The following MARCHF6 variants were observed in gnomAD, a reference collection of about 807,000 sequenced individuals.
MARCHF6 encodes membrane associated ring-CH-type finger 6, also known as E3 ubiquitin-protein ligase MARCHF6.
In MARCHF6, 31 loss-of-function variants were observed where a neutral mutation model predicts 133.7. That is an observed-to-expected ratio of 0.23 (90% CI 0.17 to 0.31). MARCHF6 has a LOEUF of 0.31. Among genes scored for constraint, MARCHF6 ranks in the 10% least tolerant of loss-of-function variants. The pLI is 1.00. For missense variants in MARCHF6, 723 were observed against 1,121.6 expected (o/e 0.64, Z 5.08); for synonymous variants, 395 against 402.5 (o/e 0.98, Z 0.22).
intron 1 of MARCHF6, among the ~76,000 whole-genome samples, chr5:10,369,603 A>AACCCCCC (rs1736338293): frequency 3.8e-5 from 1 of 26,500 alleles, no homozygotes; most frequent in African/African-American, 9.0e-5. Flanking sequence ...TAGTTCCATT[A>AACCCCCC]CCCCCCCCCC....
At chr5:10,370,562 G>A (rs1736409580) in intron 1 of MARCHF6, among the ~76,000 whole-genome samples, 1 of 152,100 alleles carries the variant, frequency 6.6e-6, no homozygotes. Context: ...TTTCTTGAAT[G>A]ACTTGAACAT....
intron 15 of MARCHF6, among the ~76,000 whole-genome samples, chr5:10,404,116 C>T (rs1738727984): frequency 6.6e-6 from 1 of 151,274 alleles, no homozygotes; most frequent in Non-Finnish European, 1.5e-5. Flanking sequence ...TGCTCTGTTG[C>T]CCAGGCTGGA....
intron 24 of MARCHF6, 87 bp downstream of exon 24, chr5:10,426,609 CTCCATATGCTTTATTTG>C: frequency 7.5e-7 from 1 of 1,341,708 alleles, no homozygotes; most frequent in Non-Finnish European, 1.0e-6. Context: ...GGATGTCTCA[CTCCATATGCTTTATTTG>C]TAAATGTGAA....
intron 5 of MARCHF6, among the ~76,000 whole-genome samples, chr5:10,388,414 T>TC (rs1469238868): frequency 6.6e-6 from 1 of 152,210 alleles, no homozygotes; most frequent in Non-Finnish European, 1.5e-5. Flanking sequence ...TTCTATGTAT[T>TC]CTGTAGCTCA....
At chr5:10,412,041 A>G (rs548672983) in intron 19 of MARCHF6, among the ~76,000 whole-genome samples, 2 of 152,348 alleles carry the variant, frequency 1.3e-5, no homozygotes, top group East Asian at 1.9e-4. Flanking sequence ...TGAAGTCATC[A>G]TTTATATCAA....
intron 1 of MARCHF6, among the ~76,000 whole-genome samples, chr5:10,360,210 C>T (rs1735740753): frequency 1.6e-5 from 2 of 127,780 alleles, no homozygotes; most frequent in Non-Finnish European, 3.2e-5. Flanking sequence ...AGTACAGTGG[C>T]ACCATCTCAG....
chr5:10,368,291 G>A (rs535602395), intron 1 of MARCHF6, among the ~76,000 whole-genome samples: 6 of 152,260 alleles, frequency 3.9e-5, no homozygotes, highest in South Asian at 4.1e-4. Flanking sequence ...AAGTTATGTC[G>A]TAGTCACAAA....
intron 5 of MARCHF6, 146 bp from the exon 6 acceptor site, chr5:10,390,186 T>G: frequency 1.5e-6 from 1 of 656,372 alleles, no homozygotes; most frequent in South Asian, 2.0e-5. Context: ...TTGGAGAAAC[T>G]TGAGATTTTC....
At chr5:10,373,323 TC>T (rs1274163544) in intron 1 of MARCHF6, among the ~76,000 whole-genome samples, 1 of 152,096 alleles carries the variant, frequency 6.6e-6, no homozygotes, top group Non-Finnish European at 1.5e-5. Context: ...TAAGTGGAGA[TC>T]CATGTCTCTC....
chr5:10,377,971 A>G lies in MARCHF6; in HGVS notation c.116+77A>G, dbSNP rs1736890656. On this transcript the variant is annotated intron_variant, in intron 2 of 25. Transcript: ENST00000274140. ...GTATACAGTAACAGGGATCATTTCA[A>G]TGTACTTTCTCTGTAATTATTTTTA... 3 of 774,194 alleles carry G rather than the reference A, an allele frequency of 3.9e-6. No homozygotes were observed. In the East Asian group the frequency reaches 7.5e-5, roughly 19 times the overall value. The allele number at this position is 774,194 out of a possible 1,614,324, so 48.0% of individuals were successfully genotyped here. A position where few individuals can be genotyped will look rare whatever the true frequency, so the allele number is the denominator to read the frequency against.
chr5:10,357,407 A>G (rs1398073940), intron 1 of MARCHF6, among the ~76,000 whole-genome samples: 1 of 151,526 alleles, frequency 6.6e-6, no homozygotes, highest in Non-Finnish European at 1.5e-5. Flanking sequence ...TTAGCACAAC[A>G]TAATACAAAG....
At chr5:10,428,840 A>T (rs549043022) in intron 24 of MARCHF6, among the ~76,000 whole-genome samples, 49 of 152,322 alleles carry the variant, frequency 3.2e-4, no homozygotes, top group African/African-American at 1.1e-3. Flanking sequence ...TTTCATTTTT[A>T]AAAATTTTAT....
At position 10,410,236 on chromosome 5, in the gene MARCHF6, G is replaced by C; in HGVS notation, c.1651G>C (p.Gly551Arg). Reference sequence around the variant, plus strand: ...GGGACACACGAGGCAGTGGCTGAAGGGGCTGGTGCGAGCGTGGACTGTGAC... The same window carrying C: ...GGGACACACGAGGCAGTGGCTGAAGCGGCTGGTGCGAGCGTGGACTGTGAC... ...EQGHTRQWLK[G>R]LVRAWTVTAG... Residue 551 changes from glycine (G) to arginine (R), a missense_variant, in exon 18 of 26, where the codon GGG becomes CGG. Gly to Arg is a moderately radical substitution (Grantham distance 125). Coordinates refer to ENST00000274140, the MANE Select transcript of MARCHF6 (RefSeq NM_005885.4). 3.1e-6 allele frequency: 5 copies of C among 1,613,556 alleles called. No individual in the cohort carries two copies. The highest frequency in any genetic ancestry group is 3.4e-6 in the Non-Finnish European group (4 of 1,180,028).
intron 20 of MARCHF6, among the ~76,000 whole-genome samples, chr5:10,415,058 GATAGTTACTCTAAATTATTT>G (rs1761853603): frequency 6.6e-6 from 1 of 152,210 alleles, no homozygotes; most frequent in African/African-American, 2.4e-5. Flanking sequence ...CCAATTGGAA[GATAGTTACTCTAAATTATTT>G]GTAATGTTTC....
intron 10 of MARCHF6, among the ~76,000 whole-genome samples, chr5:10,400,069 A>C (rs932104488): frequency 1.3e-5 from 2 of 152,204 alleles, no homozygotes; most frequent in South Asian, 2.1e-4. Flanking sequence ...TGAGGAGCTG[A>C]GATACATGAT....
chr5:10,363,360 T>C (rs926662365), intron 1 of MARCHF6, among the ~76,000 whole-genome samples: 1 of 152,186 alleles, frequency 6.6e-6, no homozygotes. Context: ...AAGATTTGTA[T>C]AGACACTTCA....
At chr5:10,430,116 A>G (rs767648210) in intron 25 of MARCHF6, 88 bp downstream of exon 25, 28 of 1,433,784 alleles carry the variant, frequency 2.0e-5, no homozygotes, top group Non-Finnish European at 2.7e-5. Context: ...GGAGGGAAAC[A>G]TGCTCAGATT....
intron 1 of MARCHF6, among the ~76,000 whole-genome samples, chr5:10,373,989 C>A (rs1233111694): frequency 6.6e-6 from 1 of 151,966 alleles, no homozygotes; most frequent in Non-Finnish European, 1.5e-5. Context: ...CTCCCCACCC[C>A]CACCATGGCC....
At chr5:10,354,068 G>T in intron 1 of MARCHF6, 151 bp downstream of exon 1, 1 of 696,864 alleles carries the variant, frequency 1.4e-6, no homozygotes, top group Non-Finnish European at 2.1e-6. Flanking sequence ...GGGCCGGGGA[G>T]CGGAAGGTGA....
Sources: allele counts gnomAD v4.1 joint callset (sites outside exome capture counted in the v4.1 genomes callset), GRCh38; gene constraint gnomAD v4.1.1; transcripts MANE v1.5; gene names NCBI Gene and HGNC (gene_info 2026-07-23, HGNC 2026-07-21).